The following THSD7B variants were observed in gnomAD, a reference collection of about 807,000 sequenced individuals.
The protein encoded by THSD7B is thrombospondin type 1 domain containing 7B.
A neutral mutation model predicts 213.6 loss-of-function variants in THSD7B; 138 were observed. The observed-to-expected ratio is 0.65, with a 90% CI of 0.56 to 0.74. The LOEUF (loss-of-function observed/expected upper bound fraction) is 0.74, where lower values mean the gene tolerates loss of function less well. THSD7B is among the 30% of genes least tolerant of loss of function. The pLI is 0.00. For synonymous variants in THSD7B, 742 were observed against 687.0 expected, an observed-to-expected ratio of 1.08 and a Z score of -1.25; for missense variants, 1,931 against 1,991.5, an observed-to-expected ratio of 0.97 and a Z score of 0.58.
At chr2:136,870,128 T>C (rs968346096) in intron 1 of THSD7B, among the ~76,000 whole-genome samples, 3 of 151,032 alleles carry the variant, frequency 2.0e-5, no homozygotes, top group Non-Finnish European at 4.4e-5. Context: ...TGGCAGCAGA[T>C]AGTTCTGTGT....
At chr2:137,014,236 G>A (rs1163902347) in intron 2 of THSD7B, among the ~76,000 whole-genome samples, 3 of 152,284 alleles carry the variant, frequency 2.0e-5, no homozygotes, top group South Asian at 2.1e-4. Context: ...GGACGTGGTC[G>A]AGGAAGGCTT....
intron 14 of THSD7B, among the ~76,000 whole-genome samples, chr2:137,439,501 C>T (rs1275088214): frequency 2.1e-5 from 3 of 143,828 alleles, no homozygotes; most frequent in African/African-American, 7.5e-5. Context: ...AATAAGTTAT[C>T]TGTCAATTGC....
intron 15 of THSD7B, among the ~76,000 whole-genome samples, chr2:137,537,473 G>C (rs1023827): frequency 0.073 from 11,075 of 151,664 alleles, 448 homozygotes; most frequent in African/African-American, 0.089. Context: ...TTTCTGCTGA[G>C]TTTGTGAATG....
At position 137,659,398 on chromosome 2, in the gene THSD7B, C is replaced by T. The variant is rs141488479; in HGVS notation, c.4376-266C>T. 6.5e-3 allele frequency among the ~76,000 whole-genome samples: 984 copies of T among 152,206 alleles called. 9 individuals are homozygous for T. The highest frequency in any genetic ancestry group is 0.023 in the African/African-American group (942 of 41,520). ...TTCTGGCTCACATAGACTTTGTGCT[C>T]AAGCATAGCCGTATGATAGAATCAC... On this transcript the variant is annotated intron_variant, in intron 24 of 27. Coordinates refer to ENST00000409968, the MANE Select transcript of THSD7B (RefSeq NM_001316349.2).
At chr2:137,249,167 A>T (rs551561250) in intron 10 of THSD7B, among the ~76,000 whole-genome samples, 2 of 151,924 alleles carry the variant, frequency 1.3e-5, no homozygotes, top group Non-Finnish European at 1.5e-5. Context: ...AAAATTCATT[A>T]AAAAACACCT....
At chr2:137,283,635 T>G (rs867975507) in intron 12 of THSD7B, among the ~76,000 whole-genome samples, 16 of 152,218 alleles carry the variant, frequency 1.1e-4, no homozygotes, top group Admixed American at 5.2e-4. Context: ...TCAAAGGCCT[T>G]TTCTGCATCT....
intron 1 of THSD7B, among the ~76,000 whole-genome samples, chr2:136,864,570 T>TG (rs1358767536): frequency 6.6e-6 from 1 of 152,088 alleles, no homozygotes; most frequent in African/African-American, 2.4e-5. Flanking sequence ...TTTTTTTTTT[T>TG]GAGACAGAGT....
chr2:136,929,839 A>G (rs535451319), intron 2 of THSD7B, among the ~76,000 whole-genome samples: 63 of 152,332 alleles, frequency 4.1e-4, no homozygotes, highest in Non-Finnish European at 8.2e-4. Flanking sequence ...CCTGTGTCGC[A>G]TGACTAGATG....
At chr2:136,848,434 A>C (rs555283520) in intron 1 of THSD7B, among the ~76,000 whole-genome samples, 1 of 151,816 alleles carries the variant, frequency 6.6e-6, no homozygotes, top group African/African-American at 2.4e-5. Flanking sequence ...CCACATTCTG[A>C]CAGCCAGTGA....
At chr2:137,126,294 G>A (rs1226981045) in intron 5 of THSD7B, among the ~76,000 whole-genome samples, 1 of 152,204 alleles carries the variant, frequency 6.6e-6, no homozygotes, top group South Asian at 2.1e-4. Context: ...TGGTTTTCCA[G>A]TGTAGCCACC....
intron 15 of THSD7B, among the ~76,000 whole-genome samples, chr2:137,550,095 T>G (rs926640125): frequency 3.3e-5 from 5 of 152,092 alleles, no homozygotes; most frequent in African/African-American, 1.2e-4. Flanking sequence ...GAAGGCATTT[T>G]AGACTCTGGA....
intron 5 of THSD7B, among the ~76,000 whole-genome samples, chr2:137,124,569 G>A (rs67702173): frequency 2.6e-5 from 4 of 152,030 alleles, no homozygotes; most frequent in African/African-American, 7.2e-5. Context: ...CAGGGGAAAG[G>A]GGGGAGGGAT....
chr2:136,970,000 AAAG>A (rs1187546794), intron 2 of THSD7B, among the ~76,000 whole-genome samples: 1 of 152,256 alleles, frequency 6.6e-6, no homozygotes, highest in Non-Finnish European at 1.5e-5. Context: ...TGTGGTTAAA[AAAG>A]AAAATATTTT....
At chr2:137,190,127 G>A (rs1680628352) in intron 7 of THSD7B, among the ~76,000 whole-genome samples, 1 of 152,178 alleles carries the variant, frequency 6.6e-6, no homozygotes. Flanking sequence ...AGATCACTAT[G>A]TAGGCTTCCG....
At chr2:136,788,190 C>A (rs1681903029) in intron 1 of THSD7B, among the ~76,000 whole-genome samples, 1 of 152,112 alleles carries the variant, frequency 6.6e-6, no homozygotes, top group South Asian at 2.1e-4. Context: ...AACTGCTAAC[C>A]CAGAATGGGG....
chr2:137,472,344 A>T (rs1688109536), intron 15 of THSD7B, among the ~76,000 whole-genome samples: 1 of 152,232 alleles, frequency 6.6e-6, no homozygotes, highest in Non-Finnish European at 1.5e-5. Context: ...AGGACCTAAA[A>T]GAACTTTTAC....
rs570759138 is a variant in THSD7B at position 137,597,338 on chromosome 2, G to C, written c.3424-18837G>C. On this transcript the variant is annotated intron_variant, in intron 17 of 27. Coordinates refer to ENST00000409968, the MANE Select transcript of THSD7B (RefSeq NM_001316349.2). ...CATTGTCTCTCAGGCCAGATGTCCT[G>C]ATCTTCTAGTGCTTGGAAATAGGAT... Among the ~76,000 whole-genome samples the C allele has an allele frequency of 2.0e-5, 3 of 151,942 alleles. No homozygotes were observed. The East Asian group carries it at 5.8e-4, about 29-fold the overall frequency.
At chr2:137,410,990 A>G (rs1466144408) in intron 13 of THSD7B, among the ~76,000 whole-genome samples, 1 of 152,244 alleles carries the variant, frequency 6.6e-6, no homozygotes, top group African/African-American at 2.4e-5. Flanking sequence ...TAACAGGTCC[A>G]TCAAAGTGAA....
intron 2 of THSD7B, among the ~76,000 whole-genome samples, chr2:136,984,882 G>A (rs887974661): frequency 6.6e-6 from 1 of 152,150 alleles, no homozygotes; most frequent in Non-Finnish European, 1.5e-5. Flanking sequence ...GGAAGTTATT[G>A]GGAAGGGGAG....
Sources: allele counts gnomAD v4.1 joint callset (sites outside exome capture counted in the v4.1 genomes callset), GRCh38; gene constraint gnomAD v4.1.1; transcripts MANE v1.5; gene names NCBI Gene and HGNC (gene_info 2026-07-23, HGNC 2026-07-21).